The following TBCD variants were observed in gnomAD, a reference collection of about 807,000 sequenced individuals.
The protein encoded by TBCD is tubulin-specific chaperone D.
TBCD carries 105 observed loss-of-function variants against 169.3 expected under a neutral mutation model. The observed-to-expected ratio is 0.62, with a 90% CI of 0.53 to 0.73. TBCD has a LOEUF of 0.73. Among genes scored for constraint, TBCD ranks in the 30% least tolerant of loss-of-function variants. The pLI, the probability that TBCD is intolerant of heterozygous loss-of-function variation, is 0.00. For synonymous variants in TBCD, 700 were observed against 643.9 expected, an observed-to-expected ratio of 1.09 and a Z score of -1.32; for missense variants, 1,444 against 1,600.1, an observed-to-expected ratio of 0.90 and a Z score of 1.66.
rs184820945 is a variant in TBCD at position 82,850,682 on chromosome 17, G to A, written c.1319-19542G>A. On this transcript the variant is annotated intron_variant, in intron 13 of 38. Coordinates refer to ENST00000355528, the MANE Select transcript of TBCD (RefSeq NM_005993.5). ...GTTGTTGGTTGTGTGTGCTGACCCC[G>A]GACCCCCTACAGTATGGCTGTGCAT... is the stretch of plus-strand genomic sequence containing the variant. Among the ~76,000 whole-genome samples the A allele has an allele frequency of 2.1e-3, 324 of 152,260 alleles. 1 individual carries two copies. Among genetic ancestry groups the A allele is most frequent in the Non-Finnish European group, 3.7e-3 (252 of 68,028 alleles).
At position 82,923,404 on chromosome 17, in the gene TBCD, C is replaced by A. The variant is rs1381174272; in HGVS notation, c.2179-248C>A. Among the ~76,000 whole-genome samples, 1 of 152,144 alleles carries A rather than the reference C, an allele frequency of 6.6e-6. No homozygotes were observed. The highest frequency in any genetic ancestry group is 2.4e-5 in the African/African-American group (1 of 41,436). ...TTGCTGTGCCGAGATCTCAGGGTGA[C>A]CCGCTGTGTCCCTGGTCAGGTCCTT... On this transcript the variant is annotated intron_variant, in intron 25 of 38. Transcript: ENST00000355528. This position sits in a 1 kb window ranked among gnomAD's most constrained non-coding sequence, Gnocchi z 4.6.
At chr17:82,879,246 C>G (rs1268017016) in intron 14 of TBCD, among the ~76,000 whole-genome samples, 1 of 152,000 alleles carries the variant, frequency 6.6e-6, no homozygotes, top group Non-Finnish European at 1.5e-5. Flanking sequence ...CCTCAGCTGC[C>G]TCTAGGTCCC....
chr17:82,848,307 C>CT (rs1178899237), intron 13 of TBCD, among the ~76,000 whole-genome samples: 1 of 152,200 alleles, frequency 6.6e-6, no homozygotes, highest in Non-Finnish European at 1.5e-5. Context: ...GCTCCCTCCT[C>CT]TCCTGTGCGG....
intron 13 of TBCD, chr17:82,830,296 A>C: frequency 6.2e-7 from 1 of 1,614,116 alleles, no homozygotes; most frequent in East Asian, 2.2e-5. Flanking sequence ...TTGGCTCTCC[A>C]TGGAGCTCAG....
intron 14 of TBCD, among the ~76,000 whole-genome samples, chr17:82,878,574 CAT>C (rs199649125): frequency 0.025 from 3,763 of 152,236 alleles, 178 homozygotes; most frequent in African/African-American, 0.086. Flanking sequence ...CTGTTGGGCC[CAT>C]ATAGTGCCCC....
intron 17 of TBCD, among the ~76,000 whole-genome samples, chr17:82,897,938 G>A (rs1030360841): frequency 1.9e-4 from 29 of 151,438 alleles, no homozygotes; most frequent in African/African-American, 7.0e-4. Flanking sequence ...TTGAGCCCCC[G>A]TGGGTTTTGG....
At chr17:82,802,554 A>T (rs2050648024) in intron 9 of TBCD, among the ~76,000 whole-genome samples, 1 of 152,200 alleles carries the variant, frequency 6.6e-6, no homozygotes, top group Non-Finnish European at 1.5e-5. Context: ...AGGAGAGCTC[A>T]TGGTGGTTCT....
chr17:82,868,924 C>T (rs944599212), intron 13 of TBCD, among the ~76,000 whole-genome samples: 7 of 150,798 alleles, frequency 4.6e-5, no homozygotes, highest in Admixed American at 4.6e-4. Context: ...TGCAGAGCCC[C>T]GAACGAGACC....
chr17:82,809,233 G>A (rs1041029777), intron 11 of TBCD, among the ~76,000 whole-genome samples: 4 of 152,070 alleles, frequency 2.6e-5, no homozygotes, highest in Non-Finnish European at 5.9e-5. Context: ...CCTTCCCCAC[G>A]GGGCCATCTC....
At position 82,831,927 on chromosome 17, in the gene TBCD, G is replaced by C. The variant is rs751236472; in HGVS notation, c.1318+16993G>C. The C allele has an allele frequency of 1.2e-6, 2 of 1,614,188 alleles. No homozygotes were observed. Among genetic ancestry groups the C allele is most frequent in the East Asian group, 4.5e-5 (2 of 44,880 alleles). ...GTAAAGCCAGTGTCTCGGGCGCCTC[G>C]GCGTTGTCTGGCCCCTTGAGTCTGT... is the stretch of plus-strand genomic sequence containing the variant. On this transcript the variant is annotated intron_variant, in intron 13 of 38. Transcript: ENST00000355528. The surrounding 1 kb of genome is among the most constrained non-coding windows in gnomAD (Gnocchi z 4.6).
chr17:82,766,733 C>T (rs542586881), intron 4 of TBCD, among the ~76,000 whole-genome samples: 1 of 152,260 alleles, frequency 6.6e-6, no homozygotes, highest in East Asian at 1.9e-4. Context: ...GCATAGAGTC[C>T]TCCTTTTGGC....
At chr17:82,825,352 G>A (rs1490140071) in intron 13 of TBCD, among the ~76,000 whole-genome samples, 3 of 152,148 alleles carry the variant, frequency 2.0e-5, no homozygotes, top group Admixed American at 6.5e-5. Context: ...AGTGTGGACC[G>A]TGGCATGTGA....
chr17:82,826,941 G>A (rs4986112), intron 13 of TBCD, among the ~76,000 whole-genome samples: 151,310 of 152,290 alleles, frequency 0.99, 75,176 homozygotes, highest in East Asian at 1. Flanking sequence ...ACACCTGGCT[G>A]ACTATTTTTA....
intron 8 of TBCD, among the ~76,000 whole-genome samples, chr17:82,798,721 C>T (rs1397569766): frequency 4.6e-5 from 7 of 151,438 alleles, no homozygotes; most frequent in African/African-American, 9.7e-5. Context: ...TAGCCACAGC[C>T]ACCACCTCTT....
At position 82,806,073 on chromosome 17, in the gene TBCD, T is replaced by C; in HGVS notation, c.1087+62T>C. The C allele has an allele frequency of 1.3e-6, 2 of 1,583,150 alleles. No individual in the cohort carries two copies. The highest frequency in any genetic ancestry group is 4.5e-5 in the East Asian group (2 of 44,134). On this transcript the variant is annotated intron_variant, in intron 10 of 38. Coordinates refer to ENST00000355528, the MANE Select transcript of TBCD (RefSeq NM_005993.5). The surrounding 1 kb of genome is among the most constrained non-coding windows in gnomAD (Gnocchi z 5.1). ...CACCGTCGGGCCAATTCCCCTCTAC[T>C]CCAGGACCACACTTCCTTCTTCCTT...
chr17:82,940,077 G>A (rs946105961), intron 37 of TBCD, among the ~76,000 whole-genome samples: 10 of 152,138 alleles, frequency 6.6e-5, no homozygotes, highest in African/African-American at 2.4e-4. Context: ...GGGTGGGAGG[G>A]TCTGAATGAG....
chr17:82,935,071 A>AC (rs2062508279), intron 34 of TBCD, among the ~76,000 whole-genome samples: 1 of 114,208 alleles, frequency 8.8e-6, no homozygotes, highest in African/African-American at 3.0e-5. Flanking sequence ...TTCAAAAAAA[A>AC]AATTTTTTTT....
Position 82,922,086 on chromosome 17 carries a change from C to G in TBCD, c.2178+509C>G, listed in dbSNP as rs186770538. Among the ~76,000 whole-genome samples the G allele has an allele frequency of 2.8e-4, 43 of 152,308 alleles. No homozygotes were observed. Among genetic ancestry groups the G allele is most frequent in the Admixed American group, 2.6e-3 (40 of 15,300 alleles). ...ACTTTGGACTCACAGAGCTGTAACG[C>G]TGATCTCATTGCATAGATAAGAAAC... is the stretch of plus-strand genomic sequence containing the variant. On this transcript the variant is annotated intron_variant, in intron 25 of 38. Transcript: ENST00000355528. This position sits in a 1 kb window ranked among gnomAD's most constrained non-coding sequence, Gnocchi z 4.1.
intron 13 of TBCD, among the ~76,000 whole-genome samples, chr17:82,846,308 G>GTCCTCTCGTCCAGCCCT (rs2055082783): frequency 6.9e-6 from 1 of 144,014 alleles, no homozygotes; most frequent in East Asian, 2.0e-4. Context: ...CCCTCCACGT[G>GTCCTCTCGTCCAGCCCT]CTGCGTCCAG....
Sources: allele counts gnomAD v4.1 joint callset (sites outside exome capture counted in the v4.1 genomes callset), GRCh38; gene constraint gnomAD v4.1.1; non-coding constraint Gnocchi (gnomAD v3.1); transcripts MANE v1.5; gene names NCBI Gene and HGNC (gene_info 2026-07-23, HGNC 2026-07-21).